The following MCTP2 variants were observed in gnomAD, a reference collection of about 807,000 sequenced individuals.
MCTP2 encodes the protein multiple C2 and transmembrane domain containing 2.
Under a neutral mutation model 111.6 loss-of-function variants are expected in MCTP2, and 132 were observed. The ratio of observed to expected loss-of-function variants is 1.18; its 90% CI spans 1.03 to 1.37. MCTP2 has a LOEUF of 1.37. Among genes scored for constraint, MCTP2 ranks in the 40% most tolerant of loss-of-function variants. MCTP2 has a pLI of 0.00. For missense variants in MCTP2, 1,183 were observed against 1,067.9 expected (o/e 1.11, Z -1.50); for synonymous variants, 395 against 387.7 (o/e 1.02, Z -0.22).
At chr15:94,464,257 T>TAATA (rs4001978) in intron 20 of MCTP2, among the ~76,000 whole-genome samples, 3 of 44,968 alleles carry the variant, frequency 6.7e-5, no homozygotes, top group African/African-American at 1.8e-4. Flanking sequence ...TATATATATA[T>TAATA]TATATATATA....
chr15:94,451,201 G>A (rs551170780), intron 19 of MCTP2, among the ~76,000 whole-genome samples: 2 of 152,212 alleles, frequency 1.3e-5, no homozygotes, highest in South Asian at 4.1e-4. Flanking sequence ...TGGTGGGCTT[G>A]TACTCATCTT....
Position 94,483,475 on chromosome 15 carries a change from T to C in MCTP2, c.*4441T>C, listed in dbSNP as rs1043935627. 9.2e-5 allele frequency: 14 copies of C among 152,142 alleles called. No homozygotes were observed. The highest frequency in any genetic ancestry group is 3.1e-4 in the African/African-American group (13 of 41,426). 9.4% of individuals were successfully genotyped at this position (152,142 alleles called of 1,614,324 possible). ...GTCTAAATGCCCATCATTGATAGAA[T>C]GGATAAAGAAAATGTGGTAGAGGTA... is the stretch of plus-strand genomic sequence containing the variant. On this transcript the variant is annotated 3_prime_UTR_variant, in exon 23 of 23. Coordinates refer to ENST00000357742, the MANE Select transcript of MCTP2 (RefSeq NM_001385001.1).
intron 14 of MCTP2, among the ~76,000 whole-genome samples, chr15:94,398,269 G>A (rs367654981): frequency 6.6e-6 from 1 of 152,116 alleles, no homozygotes; most frequent in Non-Finnish European, 1.5e-5. Flanking sequence ...GGCTTGTAAA[G>A]CACCATTAAA....
At chr15:94,440,372 A>C in intron 18 of MCTP2, 74 bp downstream of exon 18, 1 of 1,575,028 alleles carries the variant, frequency 6.3e-7, no homozygotes, top group Non-Finnish European at 8.7e-7. Flanking sequence ...CCACCACCAA[A>C]TCATGGCCCA....
At chr15:94,403,334 G>A (rs1026628138) in intron 17 of MCTP2, 15 of 775,918 alleles carry the variant, frequency 1.9e-5, no homozygotes, top group Non-Finnish European at 2.2e-5. Flanking sequence ...GTGGCTTCAT[G>A]CGTTGAGTTC....
chr15:94,402,169 C>T (rs1270078219), intron 17 of MCTP2, 150 bp downstream of exon 17: 3 of 1,322,424 alleles, frequency 2.3e-6, no homozygotes, highest in Non-Finnish European at 3.0e-6. Context: ...CCTTAAATTA[C>T]CCAAATCTTA....
intron 1 of MCTP2, among the ~76,000 whole-genome samples, chr15:94,258,586 A>G (rs149592155): frequency 5.1e-4 from 78 of 152,366 alleles, no homozygotes; most frequent in African/African-American, 1.9e-3. Flanking sequence ...AACACCATTT[A>G]GTAGAGGTGA....
At chr15:94,243,785 A>G (rs971805925) in intron 1 of MCTP2, among the ~76,000 whole-genome samples, 2 of 148,152 alleles carry the variant, frequency 1.3e-5, no homozygotes, top group African/African-American at 4.9e-5. Flanking sequence ...GAACATATAT[A>G]TGTATATACA....
At position 94,243,434 on chromosome 15, in the gene MCTP2, T is replaced by C. The variant is rs1171406392; in HGVS notation, c.-66+11770T>C. ...ACATACGTATGCGTATATGCGTATG[T>C]ACATACATACGTATGCGTACATGCG... On this transcript the variant is annotated intron_variant, in intron 1 of 22. Coordinates refer to ENST00000357742, the MANE Select transcript of MCTP2 (RefSeq NM_001385001.1). Among the ~76,000 whole-genome samples the C allele has an allele frequency of 1.4e-5, 2 of 147,042 alleles. 1 individual carries two copies. The highest frequency in any genetic ancestry group is 4.1e-4 in the East Asian group (2 of 4,884).
intron 1 of MCTP2, among the ~76,000 whole-genome samples, chr15:94,234,544 A>T (rs1386907724): frequency 6.6e-6 from 1 of 152,004 alleles, no homozygotes; most frequent in East Asian, 1.9e-4. Flanking sequence ...GTGAGAGGGA[A>T]AGTTGTGGTT....
intron 20 of MCTP2, among the ~76,000 whole-genome samples, chr15:94,463,188 G>T (rs1017378161): frequency 2.0e-5 from 3 of 152,178 alleles, no homozygotes; most frequent in South Asian, 4.1e-4. Context: ...AATTGGGAAA[G>T]AATTGATATC....
intron 1 of MCTP2, among the ~76,000 whole-genome samples, chr15:94,267,422 C>T (rs1161946335): frequency 6.6e-6 from 1 of 151,876 alleles, no homozygotes; most frequent in East Asian, 1.9e-4. Context: ...AGTAGTATTC[C>T]ATTATATGGA....
chr15:94,265,770 A>G (rs1295929458), intron 1 of MCTP2, among the ~76,000 whole-genome samples: 1 of 152,194 alleles, frequency 6.6e-6, no homozygotes, highest in Non-Finnish European at 1.5e-5. Context: ...GGCAAAATAA[A>G]CAGTATATAA....
At chr15:94,315,742 A>C in intron 4 of MCTP2, 105 bp downstream of exon 4, 1 of 788,668 alleles carries the variant, frequency 1.3e-6, no homozygotes, top group East Asian at 2.7e-5. Context: ...ATGGTTTAGG[A>C]TAGACAGTGG....
rs146311472 is a variant in MCTP2 at position 94,374,271 on chromosome 15, T to A, written c.1582+4091T>A. Among the ~76,000 whole-genome samples, 8 of 152,310 alleles carry A rather than the reference T, an allele frequency of 5.3e-5. 1 individual carries two copies. Among genetic ancestry groups the A allele is most frequent in the African/African-American group, 1.9e-4 (8 of 41,580 alleles). ...TGGGAAAATTGTTAGAGAATTGAAATGTTTTTCAGTCCAGATTATGTTACC... is the reference window on the plus strand; with the variant it reads ...TGGGAAAATTGTTAGAGAATTGAAAAGTTTTTCAGTCCAGATTATGTTACC... On this transcript the variant is annotated intron_variant, in intron 12 of 22. Coordinates refer to ENST00000357742, the MANE Select transcript of MCTP2 (RefSeq NM_001385001.1).
chr15:94,316,138 A>G (rs552613830), intron 4 of MCTP2, among the ~76,000 whole-genome samples: 1 of 152,352 alleles, frequency 6.6e-6, no homozygotes, highest in Admixed American at 6.5e-5. Context: ...CCATAAATAC[A>G]TACCTGTATA....
intron 20 of MCTP2, 110 bp downstream of exon 20, chr15:94,458,356 C>T: frequency 1.4e-6 from 1 of 699,078 alleles, no homozygotes; most frequent in South Asian, 1.6e-5. Flanking sequence ...TACAAAAACA[C>T]ACCAAAGCAA....
intron 20 of MCTP2, among the ~76,000 whole-genome samples, chr15:94,467,407 T>A (rs1190225139): frequency 1.1e-4 from 7 of 63,264 alleles, no homozygotes; most frequent in East Asian, 7.6e-4. Flanking sequence ...ATATAGTTGT[T>A]ACTTACTTTT....
intron 1 of MCTP2, among the ~76,000 whole-genome samples, chr15:94,258,979 A>AAT (rs1228916135): frequency 2.0e-5 from 3 of 152,300 alleles, no homozygotes; most frequent in Non-Finnish European, 1.5e-5. Context: ...TGGTGCTGAT[A>AAT]ATATATATAC....
Sources: allele counts gnomAD v4.1 joint callset (sites outside exome capture counted in the v4.1 genomes callset), GRCh38; gene constraint gnomAD v4.1.1; transcripts MANE v1.5; gene names NCBI Gene and HGNC (gene_info 2026-07-23, HGNC 2026-07-21).